The following PLCB1 variants were observed in gnomAD, a reference collection of about 807,000 sequenced individuals.
PLCB1 encodes phospholipase C beta 1.
A neutral mutation model predicts 161.8 loss-of-function variants in PLCB1; 46 were observed. The ratio of observed to expected loss-of-function variants is 0.28; its 90% CI spans 0.22 to 0.36. The LOEUF (loss-of-function observed/expected upper bound fraction) is 0.36. Among genes scored for constraint, PLCB1 ranks in the 10% least tolerant of loss-of-function variants. PLCB1 has a pLI of 1.00. For synonymous variants in PLCB1, 517 were observed against 503.7 expected (o/e 1.03, Z -0.35); for missense variants, 1,016 against 1,472.5 (o/e 0.69, Z 5.07).
intron 2 of PLCB1, among the ~76,000 whole-genome samples, chr20:8,172,967 A>C (rs1375965045): frequency 6.6e-6 from 1 of 152,208 alleles, no homozygotes; most frequent in African/African-American, 2.4e-5. Flanking sequence ...CATGGAGTCC[A>C]TCCAGTGTCA....
chr20:8,203,674 T>A (rs1292120782), intron 2 of PLCB1, among the ~76,000 whole-genome samples: 2 of 151,938 alleles, frequency 1.3e-5, no homozygotes, highest in Non-Finnish European at 2.9e-5. Context: ...ATGGGAGGGA[T>A]CTATTGTCTT....
At chr20:8,802,125 C>T (rs776842085) in intron 31 of PLCB1, 3 of 1,610,352 alleles carry the variant, frequency 1.9e-6, no homozygotes, top group African/African-American at 1.3e-5. Flanking sequence ...CAACTTTACT[C>T]CCCCCAACCC....
intron 2 of PLCB1, among the ~76,000 whole-genome samples, chr20:8,197,185 G>A (rs1005032153): frequency 3.9e-5 from 6 of 152,126 alleles, no homozygotes; most frequent in Non-Finnish European, 1.5e-5. Flanking sequence ...TATATACCCA[G>A]TAATGGGATG....
intron 25 of PLCB1, among the ~76,000 whole-genome samples, chr20:8,760,745 C>T (rs1016881842): frequency 2.0e-5 from 3 of 152,156 alleles, no homozygotes; most frequent in African/African-American, 7.2e-5. Flanking sequence ...GGAAATGTAA[C>T]CCAGTGAACA....
At chr20:8,294,209 G>T (rs1983520566) in intron 2 of PLCB1, among the ~76,000 whole-genome samples, 1 of 152,016 alleles carries the variant, frequency 6.6e-6, no homozygotes, top group Non-Finnish European at 1.5e-5. Context: ...TACAAAAAAT[G>T]ATATTCTCCT....
intron 3 of PLCB1, among the ~76,000 whole-genome samples, chr20:8,541,109 A>G (rs1289798653): frequency 1.3e-5 from 2 of 152,118 alleles, no homozygotes; most frequent in African/African-American, 4.8e-5. Context: ...GATCTTACCT[A>G]TGTTAAGCAT....
At chr20:8,606,532 C>A (rs1345559577) in intron 3 of PLCB1, among the ~76,000 whole-genome samples, 1 of 152,084 alleles carries the variant, frequency 6.6e-6, no homozygotes, top group Non-Finnish European at 1.5e-5. Flanking sequence ...TATTAGTGCC[C>A]TAATGCTACC....
intron 12 of PLCB1, among the ~76,000 whole-genome samples, chr20:8,714,228 A>C (rs1230225049): frequency 6.6e-6 from 1 of 152,010 alleles, no homozygotes; most frequent in East Asian, 1.9e-4. Context: ...ATTTCTAACA[A>C]GCTCCTGGTG....
chr20:8,483,511 T>C (rs973087912), intron 3 of PLCB1, among the ~76,000 whole-genome samples: 4 of 152,202 alleles, frequency 2.6e-5, no homozygotes, highest in African/African-American at 9.6e-5. Flanking sequence ...TCCTTCTAAA[T>C]GTTGGCCAAG....
intron 3 of PLCB1, among the ~76,000 whole-genome samples, chr20:8,450,665 T>A (rs147246002): frequency 1.5e-3 from 228 of 152,334 alleles, no homozygotes; most frequent in African/African-American, 5.3e-3. Flanking sequence ...GAAAGCATGA[T>A]CTCTTCTTAA....
chr20:8,502,883 C>T (rs1983483080), intron 3 of PLCB1, among the ~76,000 whole-genome samples: 2 of 152,200 alleles, frequency 1.3e-5, no homozygotes, highest in African/African-American at 4.8e-5. Context: ...TTCTCATTTC[C>T]TTTCCTCAAG....
chr20:8,263,349 G>A (rs1159034505), intron 2 of PLCB1, among the ~76,000 whole-genome samples: 1 of 152,034 alleles, frequency 6.6e-6, no homozygotes, highest in Non-Finnish European at 1.5e-5. Context: ...ATCAATAAAA[G>A]TTTTAATTGG....
intron 2 of PLCB1, among the ~76,000 whole-genome samples, chr20:8,156,608 T>A (rs892764061): frequency 1.3e-5 from 2 of 152,204 alleles, no homozygotes; most frequent in East Asian, 3.9e-4. Flanking sequence ...AAAACAGTCC[T>A]AATTTGGGAA....
At chr20:8,738,529 A>G (rs998487526) in intron 20 of PLCB1, among the ~76,000 whole-genome samples, 99 of 152,280 alleles carry the variant, frequency 6.5e-4, no homozygotes, top group African/African-American at 2.3e-3. Flanking sequence ...ACATGTACCC[A>G]AAAACTTAAA....
At chr20:8,548,237 C>G (rs1219426726) in intron 3 of PLCB1, among the ~76,000 whole-genome samples, 4 of 140,840 alleles carry the variant, frequency 2.8e-5, no homozygotes, top group Non-Finnish European at 6.2e-5. Context: ...TTCCCTCCCT[C>G]CCCTCTTCCT....
At chr20:8,728,900 A>G in intron 17 of PLCB1, 150 bp from the exon 18 acceptor site, 1 of 510,732 alleles carries the variant, frequency 2.0e-6, no homozygotes, top group Admixed American at 4.0e-5. Flanking sequence ...TCTTTCATAA[A>G]ATTAACACTA....
intron 2 of PLCB1, among the ~76,000 whole-genome samples, chr20:8,349,243 G>A (rs923653610): frequency 6.6e-6 from 1 of 152,168 alleles, no homozygotes; most frequent in Admixed American, 6.6e-5. Context: ...TAAAAGGAAA[G>A]ATTAGACAGG....
chr20:8,671,749 A>G (rs928736243), intron 9 of PLCB1, among the ~76,000 whole-genome samples: 4 of 152,148 alleles, frequency 2.6e-5, no homozygotes, highest in African/African-American at 9.7e-5. Flanking sequence ...CCCATCATCC[A>G]TGCCCCCTAT....
chr20:8,579,565 GCTT>G (rs1986771224), intron 3 of PLCB1, among the ~76,000 whole-genome samples: 1 of 152,160 alleles, frequency 6.6e-6, no homozygotes, highest in African/African-American at 2.4e-5. Context: ...AAATATAATT[GCTT>G]CTTATTAATC....
Sources: gnomAD v4.1 joint callset for allele counts (sites outside exome capture counted in the v4.1 genomes callset) on GRCh38, gnomAD v4.1.1 for gene constraint, MANE v1.5 for transcripts, NCBI Gene and HGNC (gene_info 2026-07-23, HGNC 2026-07-21) for gene names.